GNG7: variants seen among roughly 807,000 people sequenced by gnomAD.
GNG7 encodes G protein subunit gamma 7.
In GNG7, 1 loss-of-function variant was observed where a neutral mutation model predicts 4.0. The observed-to-expected ratio is 0.25, with a 90% CI of 0.09 to 1.18. GNG7 has a LOEUF of 1.18. GNG7 is among the 50% of genes most tolerant of loss of function. The pLI, the probability that GNG7 is intolerant of heterozygous loss-of-function variation, is 0.50. For missense variants in GNG7, 86 were observed against 91.9 expected (o/e 0.94, Z 0.26); for synonymous variants, 34 against 36.9 (o/e 0.92, Z 0.29).
At chr19:2,672,087 T>TCACC (rs1222094917) in intron 1 of GNG7, among the ~76,000 whole-genome samples, 2 of 142,830 alleles carry the variant, frequency 1.4e-5, no homozygotes, top group Non-Finnish European at 3.0e-5. Flanking sequence ...TCTCGCTCTC[T>TCACC]CACCCAGTGG....
chr19:2,577,700 C>CAAAAAAA (rs58623953), intron 2 of GNG7, among the ~76,000 whole-genome samples: 1 of 108,402 alleles, frequency 9.2e-6, no homozygotes, highest in Non-Finnish European at 1.9e-5. Flanking sequence ...GATTCCATCT[C>CAAAAAAA]AAAAAAAAAA....
intron 1 of GNG7, among the ~76,000 whole-genome samples, chr19:2,700,425 G>A (rs767095054): frequency 5.9e-5 from 9 of 152,204 alleles, no homozygotes; most frequent in Non-Finnish European, 1.2e-4. Flanking sequence ...TTACAGGCAT[G>A]AGCCACCACA....
At chr19:2,615,454 GTTTTTTTTTTTTTT>G (rs56036626) in intron 2 of GNG7, among the ~76,000 whole-genome samples, 1 of 48,814 alleles carries the variant, frequency 2.0e-5, no homozygotes, top group Non-Finnish European at 3.8e-5. Flanking sequence ...GTCTTTTCCG[GTTTTTTTTTTTTTT>G]TTTTTTTTTT....
At chr19:2,563,323 G>C (rs1273828462) in intron 2 of GNG7, among the ~76,000 whole-genome samples, 1 of 152,146 alleles carries the variant, frequency 6.6e-6, no homozygotes, top group Admixed American at 6.5e-5. Context: ...ATTCTCTGGG[G>C]TGGGGCCGTC....
At chr19:2,629,794 CTT>C (rs1265886014) in intron 2 of GNG7, among the ~76,000 whole-genome samples, 6 of 152,282 alleles carry the variant, frequency 3.9e-5, no homozygotes, top group Non-Finnish European at 8.8e-5. Flanking sequence ...TTTATGGACA[CTT>C]AATGTTCCTG....
intron 2 of GNG7, among the ~76,000 whole-genome samples, chr19:2,576,530 T>C (rs111778491): frequency 0.022 from 3,407 of 152,234 alleles, 138 homozygotes; most frequent in African/African-American, 0.078. Context: ...TGGTCTTTTT[T>C]ATTTTATTAT....
chr19:2,610,100 G>A (rs941319775), intron 2 of GNG7: 2 of 152,062 alleles, frequency 1.3e-5, no homozygotes, highest in Non-Finnish European at 1.5e-5. Context: ...CTTGCCCCAG[G>A]GGACAGCTCA....
chr19:2,623,718 T>C (rs1439719769), intron 2 of GNG7, among the ~76,000 whole-genome samples: 2 of 152,068 alleles, frequency 1.3e-5, no homozygotes, highest in Admixed American at 1.3e-4. Flanking sequence ...CCATCTCTAC[T>C]AAAAATACAA....
At chr19:2,552,527 G>A (rs1979364081) in intron 3 of GNG7, among the ~76,000 whole-genome samples, 1 of 151,988 alleles carries the variant, frequency 6.6e-6, no homozygotes, top group African/African-American at 2.4e-5. Flanking sequence ...TGGGACTACA[G>A]GTGCCCACCA....
At chr19:2,521,695 C>G in intron 3 of GNG7, among the ~76,000 whole-genome samples, 1 of 144,272 alleles carries the variant, frequency 6.9e-6, no homozygotes, top group Middle Eastern at 3.9e-3. Flanking sequence ...CTCACTGCAA[C>G]CTCTGCCTCC....
chr19:2,523,708 CCT>C (rs1978322329), intron 3 of GNG7, among the ~76,000 whole-genome samples: 1 of 152,094 alleles, frequency 6.6e-6, no homozygotes, highest in African/African-American at 2.4e-5. Flanking sequence ...TGGCTGCGAT[CCT>C]GCCCATAGCT....
In GNG7 at chr19:2,557,346, CACACACACAG is replaced by C. The variant is rs1568242567; in HGVS notation, c.-77-2168_-77-2159del. Among the ~76,000 whole-genome samples the C allele has an allele frequency of 4.2e-5, 4 of 94,618 alleles. No individual in the cohort carries two copies. The East Asian group carries it at 1.0e-3, about 24-fold the overall frequency. The allele number at this position is 94,618 out of a possible 152,430, so 62.1% of individuals were successfully genotyped here. On this transcript the variant is annotated intron_variant, in intron 2 of 4. Coordinates refer to ENST00000382159, the MANE Select transcript of GNG7 (RefSeq NM_052847.3). This position sits in a 1 kb window ranked among gnomAD's most constrained non-coding sequence, Gnocchi z 5.1. ...ATGTGCACACAGACACACACATGTG[CACACACACAG>C]ACACACACACACGTGCACGCACACA...
rs138171724 is a variant in GNG7, at chr19:2,598,788, G to A, written c.-77-43600C>T. Among the ~76,000 whole-genome samples, 658 of 151,694 alleles carry A rather than the reference G, an allele frequency of 4.3e-3. 3 individuals are homozygous for A. The highest frequency in any genetic ancestry group is 8.3e-3 in the Admixed American group (127 of 15,242). ...GGGTGCATTTAAATCTCTTGCCACC[G>A]TTATTCTTTCTAAGGAGCCACTAGG... On this transcript the variant is annotated intron_variant, in intron 2 of 4. Transcript: ENST00000382159.
intron 2 of GNG7, chr19:2,595,028 G>A (rs1980971622): frequency 6.6e-6 from 1 of 152,076 alleles, no homozygotes; most frequent in Non-Finnish European, 1.5e-5. Flanking sequence ...GATGAGGTGG[G>A]AGGATCGCTT....
At chr19:2,606,793 C>T (rs78046770) in intron 2 of GNG7, among the ~76,000 whole-genome samples, 1,805 of 151,240 alleles carry the variant, frequency 0.012, 34 homozygotes, top group African/African-American at 0.042. Flanking sequence ...GGTGCAGTCT[C>T]TTTGGAACAT....
At chr19:2,696,348 A>AAGAAAG (rs993420470) in intron 1 of GNG7, among the ~76,000 whole-genome samples, 3 of 121,404 alleles carry the variant, frequency 2.5e-5, no homozygotes, top group African/African-American at 9.8e-5. Flanking sequence ...GAAAGAAAGA[A>AAGAAAG]AAGAAAGAAA....
At chr19:2,567,835 C>T (rs1434255015) in intron 2 of GNG7, among the ~76,000 whole-genome samples, 1 of 152,164 alleles carries the variant, frequency 6.6e-6, no homozygotes, top group Non-Finnish European at 1.5e-5. Flanking sequence ...CCGACGGGGG[C>T]AGGGCAATGT....
At chr19:2,622,578 C>T (rs1981908602) in intron 2 of GNG7, among the ~76,000 whole-genome samples, 1 of 123,224 alleles carries the variant, frequency 8.1e-6, no homozygotes, top group Non-Finnish European at 1.6e-5. Flanking sequence ...ACGCGAGCAA[C>T]GCGGCAGAGA....
At chr19:2,551,302 G>A (rs548848928) in intron 3 of GNG7, among the ~76,000 whole-genome samples, 2 of 152,280 alleles carry the variant, frequency 1.3e-5, no homozygotes, top group East Asian at 1.9e-4. Context: ...GGAGAAGGAC[G>A]TAAAAGGATC....
Sources: gnomAD v4.1 joint callset for allele counts (sites outside exome capture counted in the v4.1 genomes callset) on GRCh38, gnomAD v4.1.1 for gene constraint, Gnocchi (gnomAD v3.1) non-coding constraint, MANE v1.5 for transcripts, NCBI Gene and HGNC (gene_info 2026-07-23, HGNC 2026-07-21) for gene names.